EEIG2: variants seen among roughly 807,000 people sequenced by gnomAD.
EEIG2 encodes the protein family with sequence similarity 102 member B.
the EEIG2 span, chr1:108,616,430 T>TCCCTCCACTTC: frequency 6.4e-7 from 1 of 1,573,646 alleles, no homozygotes; most frequent in Non-Finnish European, 8.7e-7. Context: ...TTTTAAAACG[T>TCCCTCCACTTC]AAGTTGATAC....
At chr1:108,629,669 A>C in the EEIG2 span, 4 of 1,593,232 alleles carry the variant, frequency 2.5e-6, no homozygotes, top group Admixed American at 6.7e-5. Flanking sequence ...TAAGTAGTAC[A>C]AATAGTGTCT....
the EEIG2 span, among the ~76,000 whole-genome samples, chr1:108,619,579 A>G: frequency 6.6e-6 from 1 of 152,200 alleles, no homozygotes; most frequent in African/African-American, 2.4e-5. Context: ...ATTTAGCTAC[A>G]AAATCCTTTG....
At chr1:108,628,404 C>T in the EEIG2 span, 12 of 1,613,638 alleles carry the variant, frequency 7.4e-6, no homozygotes, top group African/African-American at 2.7e-5. Context: ...GGGTATAGCA[C>T]GTGTCACTCC....
At chr1:108,633,419 C>T in the EEIG2 span, among the ~76,000 whole-genome samples, 1,044 of 152,300 alleles carry the variant, frequency 6.9e-3, 16 homozygotes, top group African/African-American at 0.023. Flanking sequence ...CCCTGAGTAG[C>T]TAGGACTACA....
the EEIG2 span, among the ~76,000 whole-genome samples, chr1:108,610,050 TTAAAA>T: frequency 8.5e-5 from 13 of 152,166 alleles, no homozygotes; most frequent in Non-Finnish European, 1.2e-4. Flanking sequence ...ACCCCAGAAC[TTAAAA>T]TAAAATCAAA....
At chr1:108,614,066 A>G in the EEIG2 span, among the ~76,000 whole-genome samples, 3 of 151,720 alleles carry the variant, frequency 2.0e-5, no homozygotes, top group South Asian at 2.1e-4. Flanking sequence ...TCACTTAGCT[A>G]TCTTTAACCT....
chr1:108,612,355 T>G, the EEIG2 span: 5 of 1,087,842 alleles, frequency 4.6e-6, no homozygotes, highest in Non-Finnish European at 5.5e-6. Flanking sequence ...AATAAGCGTA[T>G]GTATATATTG....
chr1:108,615,039 G>A, the EEIG2 span, among the ~76,000 whole-genome samples: 186 of 152,324 alleles, frequency 1.2e-3, 1 homozygote, highest in Middle Eastern at 6.8e-3. Flanking sequence ...AAGAGTCATG[G>A]AGGTGCTGGG....
chr1:108,629,699 T>C, the EEIG2 span: 10 of 1,483,864 alleles, frequency 6.7e-6, no homozygotes, highest in Non-Finnish European at 8.4e-6. Context: ...ATAGACTAAT[T>C]TTTTTAAAAA....
chr1:108,564,254 T>G, the EEIG2 span, among the ~76,000 whole-genome samples: 1 of 150,502 alleles, frequency 6.6e-6, no homozygotes, highest in African/African-American at 2.5e-5. Flanking sequence ...GTATTCAAGG[T>G]TGGGTGGGGG....
the EEIG2 span, among the ~76,000 whole-genome samples, chr1:108,610,927 G>T: frequency 6.6e-6 from 1 of 152,016 alleles, no homozygotes; most frequent in African/African-American, 2.4e-5. Flanking sequence ...CTCCAGCCTG[G>T]GTGACAGAGC....
At chr1:108,612,026 C>T in the EEIG2 span, 15 of 465,366 alleles carry the variant, frequency 3.2e-5, no homozygotes, top group Non-Finnish European at 5.4e-5. Flanking sequence ...AAACACAAAG[C>T]AAATAATAGA....
the EEIG2 span, among the ~76,000 whole-genome samples, chr1:108,601,732 C>T: frequency 3.3e-3 from 508 of 152,226 alleles, 4 homozygotes; most frequent in African/African-American, 0.012. Context: ...GGCAAAAAAA[C>T]TATAAATAGC....
chr1:108,566,083 G>GATATGAAAA, the EEIG2 span, among the ~76,000 whole-genome samples: 1 of 151,848 alleles, frequency 6.6e-6, no homozygotes, highest in African/African-American at 2.4e-5. Flanking sequence ...TACTTAGTAT[G>GATATGAAAA]GTTTTTTACT....
At chr1:108,593,401 T>C in the EEIG2 span, among the ~76,000 whole-genome samples, 2 of 152,216 alleles carry the variant, frequency 1.3e-5, no homozygotes, top group African/African-American at 4.8e-5. Context: ...TTACTCTGCC[T>C]TTCCAAAAGT....
At chr1:108,599,928 G>A in the EEIG2 span, among the ~76,000 whole-genome samples, 4 of 152,106 alleles carry the variant, frequency 2.6e-5, no homozygotes, top group South Asian at 2.1e-4. Flanking sequence ...TCCAGGAGGC[G>A]GAGGTTGCAG....
At chr1:108,606,941 G>A in the EEIG2 span, among the ~76,000 whole-genome samples, 1,179 of 152,242 alleles carry the variant, frequency 7.7e-3, 17 homozygotes, top group African/African-American at 0.027. Flanking sequence ...GAGATTACAG[G>A]CGTTAACCAC....
At chr1:108,573,413 G>T in the EEIG2 span, among the ~76,000 whole-genome samples, 4 of 152,186 alleles carry the variant, frequency 2.6e-5, no homozygotes, top group African/African-American at 9.7e-5. Flanking sequence ...GCCAAGAACT[G>T]CTACACAACC....
At chr1:108,598,507 A>G in the EEIG2 span, among the ~76,000 whole-genome samples, 1 of 152,194 alleles carries the variant, frequency 6.6e-6, no homozygotes, top group Middle Eastern at 3.4e-3. Flanking sequence ...CCTTTGTCAA[A>G]TAACACTTAT....
Sources: gnomAD v4.1 joint callset for allele counts (sites outside exome capture counted in the v4.1 genomes callset) on GRCh38, gnomAD v4.1.1 for gene constraint, MANE v1.5 for transcripts, NCBI Gene and HGNC (gene_info 2026-07-23, HGNC 2026-07-21) for gene names.